The following AGGF1 variants were observed in gnomAD, a reference collection of about 807,000 sequenced individuals.
The protein encoded by AGGF1 is angiogenic factor with G-patch and FHA domains 1, also known as angiogenic factor with G patch and FHA domains 1.
Under a neutral mutation model 86.5 loss-of-function variants are expected in AGGF1, and 56 were observed. The ratio of observed to expected loss-of-function variants is 0.65; its 90% confidence interval spans 0.52 to 0.81. The LOEUF (loss-of-function observed/expected upper bound fraction) is 0.81. Among genes scored for constraint, AGGF1 ranks in the 30% least tolerant of loss-of-function variants. The probability of loss-of-function intolerance (pLI) is 0.00; values close to 1 mark genes in which losing one functional copy is unlikely to be tolerated. For missense variants in AGGF1, 816 were observed against 850.9 expected (o/e 0.96, Z 0.51); for synonymous variants, 313 against 297.1 (o/e 1.05, Z -0.55).
intron 5 of AGGF1, among the ~76,000 whole-genome samples, chr5:77,043,799 C>G (rs1449999394): frequency 1.7e-5 from 2 of 118,702 alleles, no homozygotes; most frequent in Admixed American, 8.3e-5. Context: ...AGCTGCCGGG[C>G]GGAGGGGCTC....
intron 3 of AGGF1, chr5:77,036,078 C>A: frequency 3.5e-6 from 1 of 282,602 alleles, no homozygotes; most frequent in East Asian, 9.2e-5. Context: ...TCCTTTATGT[C>A]AGATACCCTG....
In AGGF1 at chr5:77,064,628, T is replaced by C. The variant is rs1742756035; in HGVS notation, c.*1376T>C. The C allele has an allele frequency of 6.6e-6, 1 of 152,218 alleles. No homozygotes were observed. Among genetic ancestry groups the C allele is most frequent in the African/African-American group, 2.4e-5 (1 of 41,450 alleles). 9.4% of individuals were successfully genotyped at this position (152,218 alleles called of 1,614,324 possible). A position where few individuals can be genotyped will look rare whatever the true frequency, so the allele number is the denominator to read the frequency against. Reference sequence around the variant, plus strand: ...ACTCCAAATTTGGATAAAATATCTCTTTGCATTCTTCTTGGCCACCTGCAT... The same window carrying C: ...ACTCCAAATTTGGATAAAATATCTCCTTGCATTCTTCTTGGCCACCTGCAT... On this transcript the variant is annotated 3_prime_UTR_variant, in exon 14 of 14. Coordinates refer to ENST00000312916, the MANE Select transcript of AGGF1 (RefSeq NM_018046.5).
At chr5:77,043,056 GCTC>G (rs1747152939) in intron 5 of AGGF1, among the ~76,000 whole-genome samples, 1 of 63,440 alleles carries the variant, frequency 1.6e-5, no homozygotes, top group Non-Finnish European at 3.4e-5. Flanking sequence ...GGGCAGAGGG[GCTC>G]CTCACTTCCC....
chr5:77,040,508 A>G (rs1278079072), intron 5 of AGGF1, among the ~76,000 whole-genome samples: 3 of 152,180 alleles, frequency 2.0e-5, no homozygotes, highest in Non-Finnish European at 4.4e-5. Flanking sequence ...CTGCAAGACA[A>G]TGGTTAAGAA....
Position 77,030,499 on chromosome 5 carries a change from C to T in AGGF1, c.-268C>T, listed in dbSNP as rs987214847. On this transcript the variant is annotated 5_prime_UTR_variant, in exon 1 of 14. Transcript: ENST00000312916. ...GACGCTCCTCCCTCTGTCTCTGTAGCTGGAGAAGGTAGTTTCCAGGAAAGT... is the reference window on the plus strand; with the variant it reads ...GACGCTCCTCCCTCTGTCTCTGTAGTTGGAGAAGGTAGTTTCCAGGAAAGT... 3 of 653,104 alleles carry T rather than the reference C, an allele frequency of 4.6e-6. No individual in the cohort carries two copies. Among genetic ancestry groups the T allele is most frequent in the African/African-American group, 3.6e-5 (2 of 55,970 alleles). The allele number at this position is 653,104 out of a possible 1,614,324, so 40.5% of individuals were successfully genotyped here.
intron 5 of AGGF1, among the ~76,000 whole-genome samples, chr5:77,045,613 T>C (rs1747233945): frequency 6.6e-6 from 1 of 152,344 alleles, no homozygotes; most frequent in African/African-American, 2.4e-5. Flanking sequence ...AAGTACTAAA[T>C]TTTAGCAAAA....
intron 5 of AGGF1, among the ~76,000 whole-genome samples, chr5:77,044,444 G>A (rs1253846661): frequency 1.3e-5 from 2 of 152,120 alleles, no homozygotes; most frequent in Non-Finnish European, 2.9e-5. Context: ...TGTAGGTGAA[G>A]GTTATGTGGA....
intron 5 of AGGF1, among the ~76,000 whole-genome samples, chr5:77,041,119 TC>T (rs5868850): frequency 0.56 from 84,806 of 151,988 alleles, 24,327 homozygotes; most frequent in Non-Finnish European, 0.61. Context: ...TTTTCTGTTC[TC>T]CTATTTGATT....
chr5:77,062,231 G>T (rs1185663233), intron 13 of AGGF1, among the ~76,000 whole-genome samples: 1 of 152,128 alleles, frequency 6.6e-6, no homozygotes, highest in Non-Finnish European at 1.5e-5. Flanking sequence ...ATGACATAGT[G>T]GTTTAATTAA....
chr5:77,059,833 A>AGGT lies in AGGF1; in HGVS notation c.1844+93_1844+95dup, dbSNP rs1747523400. ...GATGTTCAGGGCTATATATCCTGAT[A>AGGT]GGTGGCCTATTTATTTGTTTATTTA... On this transcript the variant is annotated intron_variant, in intron 12 of 13. Coordinates refer to ENST00000312916, the MANE Select transcript of AGGF1 (RefSeq NM_018046.5). The AGGT allele has an allele frequency of 1.5e-5, 22 of 1,499,602 alleles. No individual in the cohort carries two copies. In the Admixed American group the frequency reaches 3.7e-4, roughly 25 times the overall value. The allele number at this position is 1,499,602 out of a possible 1,614,324, so 92.9% of individuals were successfully genotyped here. A position where few individuals can be genotyped will look rare whatever the true frequency, so the allele number is the denominator to read the frequency against.
intron 5 of AGGF1, among the ~76,000 whole-genome samples, chr5:77,044,506 C>T (rs1480776039): frequency 6.6e-6 from 1 of 152,086 alleles, no homozygotes; most frequent in East Asian, 1.9e-4. Flanking sequence ...TACATATGTG[C>T]CTCAGTGCCC....
At chr5:77,040,922 G>A (rs368399076) in intron 5 of AGGF1, among the ~76,000 whole-genome samples, 1 of 152,066 alleles carries the variant, frequency 6.6e-6, no homozygotes, top group East Asian at 1.9e-4. Context: ...GAGTGCAGTG[G>A]TGCCATCATG....
At chr5:77,055,426 G>T (rs562977649) in intron 10 of AGGF1, 88 bp from the exon 11 acceptor site, 161 of 867,694 alleles carry the variant, frequency 1.9e-4, no homozygotes, top group Non-Finnish European at 2.8e-4. Flanking sequence ...GGTTATATTA[G>T]TTTTTTATTA....
intron 4 of AGGF1, 142 bp from the exon 5 acceptor site, chr5:77,039,386 TTTA>T (rs1327788240): frequency 4.7e-6 from 3 of 637,816 alleles, no homozygotes; most frequent in Non-Finnish European, 7.7e-6. Flanking sequence ...TAAAGCATTT[TTTA>T]TTGTTATCTT....
At chr5:77,055,493 A>C (rs1469338302) in intron 10 of AGGF1, 21 bp from the exon 11 acceptor site, 4 of 1,540,424 alleles carry the variant, frequency 2.6e-6, no homozygotes, top group Non-Finnish European at 2.7e-6. Context: ...CTTTTTTTTA[A>C]CCAAACTTTT....
chr5:77,035,551 T>A lies in AGGF1; in HGVS notation c.324T>A (p.Tyr108Ter). Residue 108 changes from tyrosine (Y) to a stop codon, truncating the protein, a stop_gained, in exon 3 of 14, where the codon TAT becomes TAA. Transcript: ENST00000312916. LOFTEE classifies it high-confidence loss of function. ...ATTTTTTTGCTACAGATTATTTTTA[T>A]CAGACGTACTACAATGACGTTAGTC... ...HAPWSISDYF[Y>*]QTYYNDVSLP... The A allele has an allele frequency of 6.2e-7, 1 of 1,611,394 alleles. No homozygotes were observed. Among genetic ancestry groups the A allele is most frequent in the Non-Finnish European group, 8.5e-7 (1 of 1,178,216 alleles).
chr5:77,036,959 G>A (rs966756301), intron 4 of AGGF1, among the ~76,000 whole-genome samples: 4 of 152,162 alleles, frequency 2.6e-5, no homozygotes, highest in East Asian at 1.9e-4. Flanking sequence ...GGCTGGTCTC[G>A]AATTACATCT....
chr5:77,043,504 T>A (rs1747174012), intron 5 of AGGF1, among the ~76,000 whole-genome samples: 1 of 131,222 alleles, frequency 7.6e-6, no homozygotes, highest in African/African-American at 2.9e-5. Flanking sequence ...CCCACCTCCC[T>A]CCCGGACGGG....
In AGGF1 at chr5:77,046,696, T is replaced by C. The variant is rs116664991; in HGVS notation, c.1201+19T>C. On this transcript the variant is annotated intron_variant, in intron 6 of 13. Transcript: ENST00000312916. ...GATGAAGGTGAGTAAATAATCATTA[T>C]TTAAGTAAATAGCCCAGTCTGGTAA... 2.6e-4 allele frequency: 419 copies of C among 1,606,054 alleles called. No homozygotes were observed. In the African/African-American group the frequency reaches 3.9e-3, roughly 15 times the overall value.
Sources: gnomAD v4.1 joint callset for allele counts (sites outside exome capture counted in the v4.1 genomes callset) on GRCh38, gnomAD v4.1.1 for gene constraint, MANE v1.5 for transcripts, NCBI Gene and HGNC (gene_info 2026-07-23, HGNC 2026-07-21) for gene names.